AGMO: variants seen among roughly 807,000 people sequenced by gnomAD.
AGMO encodes alkylglycerol monooxygenase.
A neutral mutation model predicts 60.2 loss-of-function variants in AGMO; 75 were observed. The observed-to-expected ratio is 1.25, with a 90% CI of 1.03 to 1.51. The LOEUF is 1.51. AGMO is among the 40% of genes most tolerant of loss of function. The probability of loss-of-function intolerance (pLI) is 0.00; values close to 1 mark genes in which losing one functional copy is unlikely to be tolerated. For missense variants in AGMO, 763 were observed against 525.5 expected (o/e 1.45, Z -4.42); for synonymous variants, 261 against 177.1 (o/e 1.47, Z -3.76).
intron 12 of AGMO, among the ~76,000 whole-genome samples, chr7:15,315,092 G>C (rs1780877860): frequency 6.6e-6 from 1 of 152,056 alleles, no homozygotes; most frequent in Non-Finnish European, 1.5e-5. Context: ...CAAAGAGCTT[G>C]GAGTGAACCT....
At chr7:15,495,180 T>TG (rs1287113754) in intron 3 of AGMO, among the ~76,000 whole-genome samples, 1 of 152,218 alleles carries the variant, frequency 6.6e-6, no homozygotes, top group Non-Finnish European at 1.5e-5. Flanking sequence ...ACGTTTTGCC[T>TG]GGTGCTTCAA....
At chr7:15,362,303 G>C (rs1374994833) in intron 12 of AGMO, among the ~76,000 whole-genome samples, 1 of 152,048 alleles carries the variant, frequency 6.6e-6, no homozygotes, top group Non-Finnish European at 1.5e-5. Flanking sequence ...TTAAAAAGAA[G>C]TGGAAAGGCT....
chr7:15,154,875 T>C, the AGMO span, among the ~76,000 whole-genome samples: 2 of 152,330 alleles, frequency 1.3e-5, no homozygotes, highest in East Asian at 1.9e-4. Flanking sequence ...TGGCCAGATA[T>C]GAAATTCTTG....
At chr7:15,312,478 A>G (rs985371855) in intron 12 of AGMO, among the ~76,000 whole-genome samples, 1 of 128,064 alleles carries the variant, frequency 7.8e-6, no homozygotes, top group Non-Finnish European at 1.5e-5. Flanking sequence ...AATCAAATGT[A>G]TCTTTAGTGT....
At chr7:15,377,077 C>G (rs1783486779) in intron 10 of AGMO, among the ~76,000 whole-genome samples, 1 of 152,082 alleles carries the variant, frequency 6.6e-6, no homozygotes, top group African/African-American at 2.4e-5. Flanking sequence ...CACAACTTTT[C>G]TGTGTGATTA....
chr7:15,138,921 T>C, the AGMO span, among the ~76,000 whole-genome samples: 1 of 152,180 alleles, frequency 6.6e-6, no homozygotes, highest in Non-Finnish European at 1.5e-5. Context: ...TTATGTGTAT[T>C]TATATACATT....
the AGMO span, among the ~76,000 whole-genome samples, chr7:15,175,072 T>C: frequency 6.6e-6 from 1 of 151,814 alleles, no homozygotes; most frequent in Non-Finnish European, 1.5e-5. Flanking sequence ...TTTAAAAAGG[T>C]TTACAGGATT....
chr7:15,509,922 A>T (rs1783625301), intron 3 of AGMO, among the ~76,000 whole-genome samples: 1 of 152,178 alleles, frequency 6.6e-6, no homozygotes, highest in Non-Finnish European at 1.5e-5. Flanking sequence ...GATAACAAGT[A>T]TTGGGGCGTG....
At chr7:15,365,937 T>C (rs183576058) in intron 11 of AGMO, among the ~76,000 whole-genome samples, 5 of 152,204 alleles carry the variant, frequency 3.3e-5, no homozygotes, top group Admixed American at 3.3e-4. Flanking sequence ...ATTTAATGTC[T>C]TCATACTTCA....
At chr7:15,284,627 A>C (rs1203994165) in intron 12 of AGMO, among the ~76,000 whole-genome samples, 1 of 152,078 alleles carries the variant, frequency 6.6e-6, no homozygotes, top group African/African-American at 2.4e-5. Context: ...ATCCACAGCT[A>C]AATTCCACCA....
intron 4 of AGMO, among the ~76,000 whole-genome samples, chr7:15,427,583 G>T (rs1219594041): frequency 6.6e-6 from 1 of 152,086 alleles, no homozygotes. Context: ...TAAAATTTCA[G>T]CATTCAAGTA....
At chr7:15,304,088 T>C (rs1306098726) in intron 12 of AGMO, among the ~76,000 whole-genome samples, 1 of 152,170 alleles carries the variant, frequency 6.6e-6, no homozygotes, top group Admixed American at 6.6e-5. Context: ...CGTCAATGCC[T>C]TTATGCAATG....
the AGMO span, among the ~76,000 whole-genome samples, chr7:15,178,651 T>G: frequency 3.3e-4 from 51 of 152,292 alleles, no homozygotes; most frequent in Non-Finnish European, 6.0e-4. Flanking sequence ...TGCAGCTTCT[T>G]GACTCCGACA....
intron 12 of AGMO, among the ~76,000 whole-genome samples, chr7:15,249,349 G>C (rs1287650597): frequency 6.6e-6 from 1 of 152,014 alleles, no homozygotes; most frequent in Admixed American, 6.6e-5. Context: ...AGAGGGAGAA[G>C]AGTAACTATG....
At chr7:15,456,086 A>G (rs751960844) in intron 3 of AGMO, among the ~76,000 whole-genome samples, 2 of 151,980 alleles carry the variant, frequency 1.3e-5, no homozygotes, top group Non-Finnish European at 2.9e-5. Flanking sequence ...ATCTATGTCT[A>G]TGTTATTTCC....
At chr7:15,167,905 T>C in the AGMO span, among the ~76,000 whole-genome samples, 243 of 152,346 alleles carry the variant, frequency 1.6e-3, 3 homozygotes, top group Middle Eastern at 0.01. Flanking sequence ...TCATCATTCA[T>C]GGCAGGACAC....
chr7:15,306,673 T>TA (rs1410208994), intron 12 of AGMO: 1 of 334,442 alleles, frequency 3.0e-6, no homozygotes, highest in South Asian at 2.3e-5. Flanking sequence ...TTCAAATAGT[T>TA]AGATTTTAAT....
chr7:15,294,355 A>G (rs1563073515), intron 12 of AGMO, among the ~76,000 whole-genome samples: 1 of 152,074 alleles, frequency 6.6e-6, no homozygotes, highest in African/African-American at 2.4e-5. Context: ...TAAAAGTACA[A>G]TGAAAGACAT....
intron 3 of AGMO, among the ~76,000 whole-genome samples, chr7:15,465,023 GTAAT>G (rs1782242021): frequency 6.6e-6 from 1 of 152,132 alleles, no homozygotes; most frequent in Admixed American, 6.5e-5. Flanking sequence ...GTCATTTTCT[GTAAT>G]TAGAGAAAGT....
Sources: gnomAD v4.1 joint callset for allele counts (sites outside exome capture counted in the v4.1 genomes callset) on GRCh38, gnomAD v4.1.1 for gene constraint, MANE v1.5 for transcripts, NCBI Gene and HGNC (gene_info 2026-07-23, HGNC 2026-07-21) for gene names.